The following PDE8B variants were observed in gnomAD, a reference collection of about 807,000 sequenced individuals.
PDE8B encodes the protein phosphodiesterase 8B, also known as high affinity cAMP-specific and IBMX-insensitive 3',5'-cyclic phosphodiesterase 8B.
Under a neutral mutation model 101.3 loss-of-function variants are expected in PDE8B, and 26 were observed. That is an observed-to-expected ratio of 0.26 (90% confidence interval 0.19 to 0.36). The LOEUF (loss-of-function observed/expected upper bound fraction) is 0.36. Ranked by LOEUF, PDE8B falls within the 10% of genes least tolerant of loss-of-function variation. The pLI is 1.00. For missense variants in PDE8B, 810 were observed against 1,163.1 expected (o/e 0.70, Z 4.42); for synonymous variants, 424 against 429.3 (o/e 0.99, Z 0.15).
chr5:77,353,432 C>T (rs1781516266), intron 10 of PDE8B, 26 bp downstream of exon 10: 2 of 1,453,062 alleles, frequency 1.4e-6, no homozygotes, highest in Non-Finnish European at 1.9e-6. Flanking sequence ...ACTTCGTTTG[C>T]TCTGTCTGTT....
chr5:77,328,835 A>C (rs1418488603), intron 3 of PDE8B, among the ~76,000 whole-genome samples, 163 bp from the exon 4 acceptor site: 1 of 152,240 alleles, frequency 6.6e-6, no homozygotes, highest in Non-Finnish European at 1.5e-5. Context: ...AGATTGTCCT[A>C]ATCCACAAGG....
rs1243898324 is a variant in PDE8B at position 77,337,223 on chromosome 5, T to G, written c.709-4T>G. 4.6e-6 allele frequency: 7 copies of G among 1,519,528 alleles called. No homozygotes were observed. The East Asian group carries it at 1.1e-4, about 24-fold the overall frequency. The allele number at this position is 1,519,528 out of a possible 1,614,324, so 94.1% of individuals were successfully genotyped here. ...CTTATGTATTGTCTTTGCTTTCTTTTCAGAGATTTATGGAGAATAGCAGCA... is the reference window on the plus strand; with the variant it reads ...CTTATGTATTGTCTTTGCTTTCTTTGCAGAGATTTATGGAGAATAGCAGCA... On this transcript the variant is annotated splice_region_variant and splice_polypyrimidine_tract_variant and intron_variant, in intron 5 of 21. Coordinates refer to ENST00000264917, the MANE Select transcript of PDE8B (RefSeq NM_003719.5).
chr5:77,417,680 T>G (rs1581597573), intron 17 of PDE8B, among the ~76,000 whole-genome samples: 1 of 152,344 alleles, frequency 6.6e-6, no homozygotes, highest in Non-Finnish European at 1.5e-5. Flanking sequence ...AATTTTGTTC[T>G]TATTTGCAAG....
chr5:77,197,370 G>A, the PDE8B span, among the ~76,000 whole-genome samples: 26 of 151,894 alleles, frequency 1.7e-4, no homozygotes, highest in Admixed American at 6.6e-5. Context: ...ACCCACCTTG[G>A]CCTCCTAAAG....
At chr5:77,129,733 T>C in the PDE8B span, among the ~76,000 whole-genome samples, 1 of 152,204 alleles carries the variant, frequency 6.6e-6, no homozygotes, top group African/African-American at 2.4e-5. Flanking sequence ...GACTGTGGGA[T>C]GCGGTCCATG....
chr5:77,349,503 G>A lies in PDE8B; in HGVS notation c.961G>A (p.Asp321Asn). 1 of 1,614,112 alleles carries A rather than the reference G, an allele frequency of 6.2e-7. No individual in the cohort carries two copies. Among genetic ancestry groups the A allele is most frequent in the Non-Finnish European group, 8.5e-7 (1 of 1,180,024 alleles). Reference protein sequence around the residue: ...GKELADLPKSDKNRADLLDTI... With the variant: ...GKELADLPKSNKNRADLLDTI... ...AGAACTCGCTGATCTGCCCAAAAGC[G>A]ATAAGAACCGGGCAGACCTTCTCGA... Residue 321 changes from aspartate (D) to asparagine (N), a missense_variant, in exon 8 of 22, where the codon GAT (aspartate) becomes AAT (asparagine). This residue lies in a region of PDE8B where 251 missense variants were observed against 378.8 expected (regional missense o/e 0.66). Coordinates refer to ENST00000264917, the MANE Select transcript of PDE8B (RefSeq NM_003719.5).
intron 10 of PDE8B, among the ~76,000 whole-genome samples, chr5:77,361,319 A>G (rs1783052127): frequency 6.6e-6 from 1 of 152,244 alleles, no homozygotes; most frequent in African/African-American, 2.4e-5. Context: ...AAAATGATGA[A>G]GAAAATGTTA....
chr5:77,359,526 C>T (rs1782727170), intron 10 of PDE8B, among the ~76,000 whole-genome samples: 1 of 152,144 alleles, frequency 6.6e-6, no homozygotes, highest in African/African-American at 2.4e-5. Flanking sequence ...CTCATTCTAT[C>T]CTTTCTGCTA....
the PDE8B span, among the ~76,000 whole-genome samples, chr5:77,089,849 G>A: frequency 1.4e-4 from 21 of 152,076 alleles, no homozygotes; most frequent in Admixed American, 6.6e-4. Flanking sequence ...TTGTACTCCC[G>A]TTTATAGCCA....
At chr5:77,241,127 T>C (rs549521067) in intron 1 of PDE8B, among the ~76,000 whole-genome samples, 1 of 151,854 alleles carries the variant, frequency 6.6e-6, no homozygotes, top group South Asian at 2.1e-4. Context: ...TATAGCATTT[T>C]TGGAAGAGTG....
In PDE8B at chr5:77,400,255, AGAT is replaced by A. The variant is rs916471284; in HGVS notation, c.1176_1178del (p.Lys392_Ile393delinsAsn). 4.4e-6 allele frequency: 7 copies of A among 1,602,130 alleles called. 1 individual carries two copies. The African/African-American group carries it at 8.0e-5, about 18-fold the overall frequency. On this transcript the variant is annotated inframe_deletion, in exon 11 of 22. Coordinates refer to ENST00000264917, the MANE Select transcript of PDE8B (RefSeq NM_003719.5). ...ACTTTTGAACGACTTTAGATTCACA[AGAT>A]TCATCGTGATTCAGGAGACAATTCT...
In PDE8B at chr5:77,424,380, G is replaced by T. The variant is rs372313753; in HGVS notation, c.2419-1387G>T. ...TCATAAGCCAGGGTGACCTAAAAAT[G>T]AAAGTTACAAATGAAGCCTTTGAGC... is the stretch of plus-strand genomic sequence containing the variant. On this transcript the variant is annotated intron_variant, in intron 20 of 21. Coordinates refer to ENST00000264917, the MANE Select transcript of PDE8B (RefSeq NM_003719.5). Among the ~76,000 whole-genome samples, 191 of 152,316 alleles carry T rather than the reference G, an allele frequency of 1.3e-3. No individual in the cohort carries two copies. The Middle Eastern group carries it at 0.017, about 14-fold the overall frequency.
chr5:77,270,038 AT>A (rs766509651), intron 1 of PDE8B, among the ~76,000 whole-genome samples: 29 of 152,146 alleles, frequency 1.9e-4, no homozygotes, highest in Non-Finnish European at 3.5e-4. Context: ...TAGGGATTGC[AT>A]TGAATCTGTA....
chr5:77,417,802 T>A (rs1001344806), intron 17 of PDE8B, among the ~76,000 whole-genome samples: 1 of 152,170 alleles, frequency 6.6e-6, no homozygotes, highest in African/African-American at 2.4e-5. Context: ...CTCTAGTCAT[T>A]TCACCATTGT....
At position 77,426,503 on chromosome 5, in the gene PDE8B, G is replaced by A. The variant is rs1356329557; in HGVS notation, c.2607G>A (p.Lys869=). 2 of 1,613,796 alleles carry A rather than the reference G, an allele frequency of 1.2e-6. No individual in the cohort carries two copies. The highest frequency in any genetic ancestry group is 1.7e-5 in the Admixed American group (1 of 60,008). ...QHLADNYKHW[K]TLDDLKCKSL... Reference sequence around the variant, plus strand: ...TGGCTGACAACTACAAACACTGGAAGACACTAGATGACCTAAAGTGCAAAA... The same window carrying A: ...TGGCTGACAACTACAAACACTGGAAAACACTAGATGACCTAAAGTGCAAAA... Residue 869 remains lysine, a synonymous_variant, in exon 22 of 22, where the codon AAG becomes AAA. Transcript: ENST00000264917.
intron 1 of PDE8B, among the ~76,000 whole-genome samples, chr5:77,308,089 G>A (rs938270458): frequency 1.3e-5 from 2 of 152,220 alleles, no homozygotes; most frequent in Admixed American, 1.3e-4. Context: ...TGTGTCAGAA[G>A]CAGAACTCTG....
At position 77,291,998 on chromosome 5, in the gene PDE8B, TA is replaced by T. The variant is rs962335348; in HGVS notation, c.340-19982del. Reference sequence around the variant, plus strand: ...AATCAAAATAAAATTGTTACAACATTAAAAAAAAAAAAAACCATTTACCACT... The same window carrying T: ...AATCAAAATAAAATTGTTACAACATTAAAAAAAAAAAAACCATTTACCACT... On this transcript the variant is annotated intron_variant, in intron 1 of 21. Coordinates refer to ENST00000264917, the MANE Select transcript of PDE8B (RefSeq NM_003719.5). Among the ~76,000 whole-genome samples, 638 of 140,996 alleles carry T rather than the reference TA, an allele frequency of 4.5e-3. 1 individual carries two copies. Among genetic ancestry groups the T allele is most frequent in the South Asian group, 0.016 (69 of 4,398 alleles). The allele number at this position is 140,996 out of a possible 152,430, so 92.5% of individuals were successfully genotyped here. A position where few individuals can be genotyped will look rare whatever the true frequency, so the allele number is the denominator to read the frequency against.
At chr5:77,175,084 C>T in the PDE8B span, among the ~76,000 whole-genome samples, 1 of 152,136 alleles carries the variant, frequency 6.6e-6, no homozygotes, top group South Asian at 2.1e-4. Flanking sequence ...TACTCCGCTC[C>T]CCACATCCAA....
At chr5:77,186,851 T>C in the PDE8B span, among the ~76,000 whole-genome samples, 1 of 152,156 alleles carries the variant, frequency 6.6e-6, no homozygotes, top group Non-Finnish European at 1.5e-5. Context: ...TGCTGGGCCT[T>C]CCTACGAGAT....
Sources: allele counts gnomAD v4.1 joint callset (sites outside exome capture counted in the v4.1 genomes callset), GRCh38; gene constraint gnomAD v4.1.1; regional missense constraint gnomAD v4.1.1; transcripts MANE v1.5; gene names NCBI Gene and HGNC (gene_info 2026-07-23, HGNC 2026-07-21).